PCDH11X: variants seen among roughly 807,000 people sequenced by gnomAD.
PCDH11X encodes the protein protocadherin 11 X-linked, also known as protocadherin-11 X-linked.
In PCDH11X, 18 loss-of-function variants were observed where a neutral mutation model predicts 53.3. The ratio of observed to expected loss-of-function variants is 0.34; its 90% CI spans 0.23 to 0.50. PCDH11X has a LOEUF of 0.50. Ranked by LOEUF, PCDH11X falls within the 20% of genes least tolerant of loss-of-function variation. The pLI, the probability that PCDH11X is intolerant of heterozygous loss-of-function variation, is 0.98. For synonymous variants in PCDH11X, 279 were observed against 393.3 expected, an observed-to-expected ratio of 0.71 and a Z score of 3.44; for missense variants, 570 against 1,032.4, an observed-to-expected ratio of 0.55 and a Z score of 6.14.
At chrX:92,155,617 C>CTTTTTTTTTTTTTTTTTTT (rs775178966) in intron 6 of PCDH11X, among the ~76,000 whole-genome samples, 1 of 79,783 alleles carries the variant, frequency 1.3e-5, no homozygotes, top group Non-Finnish European at 2.2e-5. Flanking sequence ...ACTTCAATAG[C>CTTTTTTTTTTTTTTTTTTT]TTTTTTTTTT....
At chrX:92,050,531 A>G (rs1177924600) in intron 6 of PCDH11X, among the ~76,000 whole-genome samples, 1 of 104,607 alleles carries the variant, frequency 9.6e-6, no homozygotes, top group Non-Finnish European at 2.0e-5. Context: ...TTACACTTTG[A>G]CACTCTCTAA....
intron 10 of PCDH11X, among the ~76,000 whole-genome samples, chrX:92,591,948 G>A (rs1011397565): frequency 7.5e-5 from 8 of 106,999 alleles, no homozygotes; most frequent in Non-Finnish European, 1.3e-4. Flanking sequence ...GTAAAAGCCT[G>A]GAAATTTGAG....
intron 6 of PCDH11X, among the ~76,000 whole-genome samples, chrX:92,072,622 G>A (rs2063720008): frequency 9.0e-6 from 1 of 111,655 alleles, no homozygotes; most frequent in African/African-American, 3.3e-5. Context: ...CTTCTTGAAT[G>A]TGCCCAGTGC....
intron 10 of PCDH11X, among the ~76,000 whole-genome samples, chrX:92,474,863 T>C (rs2073341976): frequency 1.8e-5 from 2 of 110,024 alleles, no homozygotes. Context: ...TTAATATTTC[T>C]ACTTATGATA....
chrX:92,278,806 G>GTTTTTTTTTTTTTTTTTTTTTTTTTTT (rs35000823), intron 8 of PCDH11X, among the ~76,000 whole-genome samples: 1 of 47,378 alleles, frequency 2.1e-5, no homozygotes, highest in African/African-American at 9.3e-5. Flanking sequence ...TCTCTTTTCA[G>GTTTTTTTTTTTTTTTTTTTTTTTTTTT]TTTTTTTTTT....
intron 6 of PCDH11X, among the ~76,000 whole-genome samples, chrX:92,061,344 CAT>C (rs1182147907): frequency 3.6e-5 from 4 of 111,805 alleles, no homozygotes; most frequent in African/African-American, 6.5e-5. Context: ...AATTAGTTCT[CAT>C]GTGTCAACTT....
intron 9 of PCDH11X, among the ~76,000 whole-genome samples, chrX:92,414,176 G>A (rs2071754840): frequency 1.1e-5 from 1 of 94,850 alleles, no homozygotes; most frequent in South Asian, 5.8e-4. Flanking sequence ...AGGGAGTGAA[G>A]GATTATAATA....
intron 8 of PCDH11X, among the ~76,000 whole-genome samples, chrX:92,304,933 A>G (rs979710322): frequency 9.2e-6 from 1 of 108,732 alleles, no homozygotes; most frequent in African/African-American, 3.3e-5. Context: ...AGCCCTCTTA[A>G]GTTAGCCATG....
intron 6 of PCDH11X, among the ~76,000 whole-genome samples, chrX:92,062,779 A>C (rs2063540290): frequency 9.0e-6 from 1 of 111,612 alleles, no homozygotes; most frequent in Non-Finnish European, 1.9e-5. Context: ...GTTGTGGAAG[A>C]CAGTGTGGCG....
intron 6 of PCDH11X, among the ~76,000 whole-genome samples, chrX:92,070,572 C>T (rs2063685376): frequency 1.8e-5 from 2 of 111,054 alleles, no homozygotes; most frequent in South Asian, 3.7e-4. Context: ...TGTTTCTTTT[C>T]TCTTGCTGCT....
At chrX:92,451,227 A>G (rs1343191153) in intron 9 of PCDH11X, among the ~76,000 whole-genome samples, 1 of 111,687 alleles carries the variant, frequency 9.0e-6, no homozygotes, top group Non-Finnish European at 1.9e-5. Flanking sequence ...AATCAAAAGT[A>G]TGAATTTTTG....
chrX:92,535,270 C>G (rs1003964416), intron 10 of PCDH11X, among the ~76,000 whole-genome samples: 9 of 111,730 alleles, frequency 8.1e-5, no homozygotes, highest in African/African-American at 2.9e-4. Context: ...TGCAATCAAC[C>G]TACATACCCA....
At chrX:92,143,742 G>A (rs1475126818) in intron 6 of PCDH11X, among the ~76,000 whole-genome samples, 1 of 112,344 alleles carries the variant, frequency 8.9e-6, no homozygotes, top group African/African-American at 3.2e-5. Flanking sequence ...CCCTACCAGG[G>A]CACTGCCTAG....
chrX:92,019,438 A>G (rs1304180470), intron 6 of PCDH11X, among the ~76,000 whole-genome samples: 3 of 110,882 alleles, frequency 2.7e-5, no homozygotes, highest in African/African-American at 9.9e-5. Context: ...CATGGCATAT[A>G]CTCTAAAATC....
intron 9 of PCDH11X, among the ~76,000 whole-genome samples, chrX:92,421,707 A>T (rs1049614213): frequency 1.1e-4 from 12 of 111,946 alleles, no homozygotes; most frequent in African/African-American, 3.9e-4. Context: ...ACATGGCTGA[A>T]CTAATTTATA....
intron 6 of PCDH11X, among the ~76,000 whole-genome samples, chrX:92,184,240 C>A (rs773355886): frequency 8.9e-6 from 1 of 111,952 alleles, no homozygotes; most frequent in Non-Finnish European, 1.9e-5. Flanking sequence ...GTAGACACTG[C>A]CAAAGTCACT....
At chrX:92,086,811 T>C (rs2063959429) in intron 6 of PCDH11X, among the ~76,000 whole-genome samples, 1 of 111,011 alleles carries the variant, frequency 9.0e-6, no homozygotes, top group Non-Finnish European at 1.9e-5. Flanking sequence ...CACACAATAC[T>C]TTTGAGGGTA....
At chrX:92,370,896 A>G (rs749852555) in intron 8 of PCDH11X, among the ~76,000 whole-genome samples, 3 of 112,080 alleles carry the variant, frequency 2.7e-5, no homozygotes, top group Non-Finnish European at 5.6e-5. Flanking sequence ...AAGCTCTGAT[A>G]TGTAGTGCAT....
At chrX:92,045,083 C>T (rs937831072) in intron 6 of PCDH11X, among the ~76,000 whole-genome samples, 7 of 96,246 alleles carry the variant, frequency 7.3e-5, no homozygotes, top group Admixed American at 1.2e-4. Context: ...TGATCATGCT[C>T]TTTCTAAAAT....
Sources: gnomAD v4.1 joint callset for allele counts (sites outside exome capture counted in the v4.1 genomes callset) on GRCh38, gnomAD v4.1.1 for gene constraint, MANE v1.5 for transcripts, NCBI Gene and HGNC (gene_info 2026-07-23, HGNC 2026-07-21) for gene names.